Variants in AOAH observed in about 807,000 individuals in gnomAD.
The protein encoded by AOAH is acyloxyacyl hydrolase, also known as acyloxyacyl hydrolase (neutrophil).
AOAH carries 64 observed loss-of-function variants against 92.2 expected under a neutral mutation model. The observed-to-expected ratio is 0.69, with a 90% CI of 0.57 to 0.86. AOAH has a LOEUF of 0.86. Ranked by LOEUF, AOAH falls within the 40% of genes least tolerant of loss-of-function variation. The pLI is 0.00. For synonymous variants in AOAH, 263 were observed against 254.5 expected (o/e 1.03, Z -0.32); for missense variants, 656 against 694.6 (o/e 0.94, Z 0.62).
intron 12 of AOAH, 137 bp from the exon 13 acceptor site, chr7:36,576,793 T>C (rs1788535545): frequency 2.0e-6 from 1 of 501,254 alleles, no homozygotes; most frequent in Admixed American, 3.9e-5. Context: ...CTGACAAGTT[T>C]TCTCTGAACT....
At chr7:36,722,557 C>A (rs192721013) in intron 1 of AOAH, among the ~76,000 whole-genome samples, 1 of 152,258 alleles carries the variant, frequency 6.6e-6, no homozygotes, top group Non-Finnish European at 1.5e-5. Context: ...GGAGGATGAT[C>A]TCCCAGGCAT....
intron 1 of AOAH, among the ~76,000 whole-genome samples, chr7:36,692,848 T>A (rs943113262): frequency 6.6e-6 from 1 of 152,202 alleles, no homozygotes; most frequent in East Asian, 1.9e-4. Context: ...AGTATTGTGA[T>A]AGAGGAACCT....
intron 1 of AOAH, among the ~76,000 whole-genome samples, chr7:36,698,807 G>C (rs892710921): frequency 1.3e-5 from 2 of 151,858 alleles, no homozygotes; most frequent in African/African-American, 4.8e-5. Flanking sequence ...ATTTGTGCTA[G>C]AAACATTTGA....
intron 10 of AOAH, 76 bp from the exon 11 acceptor site, chr7:36,616,550 C>A: frequency 1.7e-6 from 2 of 1,182,948 alleles, no homozygotes; most frequent in Non-Finnish European, 2.5e-6. Flanking sequence ...GATATAAGAG[C>A]GGATACCCTA....
Position 36,524,336 on chromosome 7 carries a change from A to G in AOAH, c.1523-2221T>C, listed in dbSNP as rs374925193. ...ATTCCGTGAAGATGGAGCCCCCATCATGGAATTCATGCCCATGAATTCACA... is the reference window on the plus strand; with the variant it reads ...ATTCCGTGAAGATGGAGCCCCCATCGTGGAATTCATGCCCATGAATTCACA... On this transcript the variant is annotated intron_variant, in intron 19 of 20. Coordinates refer to ENST00000617537, the MANE Select transcript of AOAH (RefSeq NM_001637.4). Among the ~76,000 whole-genome samples, 28 of 152,110 alleles carry G rather than the reference A, an allele frequency of 1.8e-4. 1 individual carries two copies. In the South Asian group the frequency reaches 5.6e-3, roughly 30 times the overall value.
intron 5 of AOAH, among the ~76,000 whole-genome samples, chr7:36,634,731 T>G (rs2116275785): frequency 6.6e-6 from 1 of 152,336 alleles, no homozygotes; most frequent in Middle Eastern, 3.4e-3. Context: ...CTTTTAATAT[T>G]CAGTTTAGTC....
chr7:36,560,481 A>G (rs1787181471), intron 13 of AOAH, among the ~76,000 whole-genome samples: 1 of 151,662 alleles, frequency 6.6e-6, no homozygotes, highest in Admixed American at 6.6e-5. Flanking sequence ...TAGGTATTTT[A>G]TTTTCTTGGG....
chr7:36,532,470 T>A lies in AOAH; in HGVS notation c.1307-126A>T, dbSNP rs546796976. On this transcript the variant is annotated intron_variant, in intron 16 of 20. Transcript: ENST00000617537. ...TCCAGGGTGTTCCCCTGATTTTTCATGCAGCATTGCTCTTGAAGAATGCCT... is the reference window on the plus strand; with the variant it reads ...TCCAGGGTGTTCCCCTGATTTTTCAAGCAGCATTGCTCTTGAAGAATGCCT... 6.8e-5 allele frequency: 58 copies of A among 850,078 alleles called. No homozygotes were observed. In the African/African-American group the frequency reaches 9.1e-4, roughly 13 times the overall value. 52.7% of individuals were successfully genotyped at this position (850,078 alleles called of 1,614,324 possible).
intron 16 of AOAH, among the ~76,000 whole-genome samples, chr7:36,532,569 A>G (rs1482141222): frequency 1.3e-5 from 2 of 152,192 alleles, no homozygotes; most frequent in African/African-American, 4.8e-5. Flanking sequence ...ACTCACTGCC[A>G]TATAGAGCTG....
chr7:36,604,925 C>T (rs963569171), intron 11 of AOAH, among the ~76,000 whole-genome samples: 6 of 152,180 alleles, frequency 3.9e-5, no homozygotes, highest in African/African-American at 1.2e-4. Flanking sequence ...CTTTCTGCTC[C>T]GCTTTCCTTT....
intron 11 of AOAH, among the ~76,000 whole-genome samples, chr7:36,595,985 T>G (rs1416525099): frequency 6.6e-6 from 1 of 152,232 alleles, no homozygotes; most frequent in Non-Finnish European, 1.5e-5. Context: ...GGCCTCCTGC[T>G]TTTTTCCTCA....
chr7:36,665,831 G>A (rs1016209052), intron 3 of AOAH, among the ~76,000 whole-genome samples: 43 of 152,146 alleles, frequency 2.8e-4, no homozygotes, highest in African/African-American at 1.0e-3. Flanking sequence ...TTTTGAGCCT[G>A]TTGATACGAT....
chr7:36,643,505 C>T (rs1179771393), intron 4 of AOAH, among the ~76,000 whole-genome samples: 1 of 152,160 alleles, frequency 6.6e-6, no homozygotes, highest in Non-Finnish European at 1.5e-5. Context: ...GGTGGAAATT[C>T]ATGCAACCCA....
At chr7:36,566,804 G>A (rs1281037254) in intron 13 of AOAH, among the ~76,000 whole-genome samples, 2 of 152,106 alleles carry the variant, frequency 1.3e-5, no homozygotes, top group Non-Finnish European at 2.9e-5. Flanking sequence ...AAGCATGCGT[G>A]TAACTTCAGT....
At chr7:36,610,569 G>T (rs1191368249) in intron 11 of AOAH, among the ~76,000 whole-genome samples, 2 of 150,614 alleles carry the variant, frequency 1.3e-5, no homozygotes, top group East Asian at 3.9e-4. Flanking sequence ...AAAATGTTAA[G>T]GTGACTCTCT....
intron 13 of AOAH, among the ~76,000 whole-genome samples, chr7:36,571,729 C>T (rs1261070798): frequency 6.6e-6 from 1 of 152,238 alleles, no homozygotes; most frequent in Non-Finnish European, 1.5e-5. Context: ...CAGCTACCCT[C>T]CTGCCTGCTG....
chr7:36,574,070 A>G (rs929256321), intron 13 of AOAH, among the ~76,000 whole-genome samples: 31 of 152,230 alleles, frequency 2.0e-4, no homozygotes, highest in Non-Finnish European at 1.8e-4. Context: ...GCAAGGAAAT[A>G]CAAGAGAAAA....
At chr7:36,704,542 A>G (rs1798264651) in intron 1 of AOAH, among the ~76,000 whole-genome samples, 1 of 152,150 alleles carries the variant, frequency 6.6e-6, no homozygotes, top group Non-Finnish European at 1.5e-5. Flanking sequence ...ATGGATTCAT[A>G]GCAAATTCTA....
intron 12 of AOAH, among the ~76,000 whole-genome samples, chr7:36,580,129 T>C (rs1025778707): frequency 1.3e-5 from 2 of 152,194 alleles, no homozygotes; most frequent in Admixed American, 1.3e-4. Flanking sequence ...CCTTTCAACT[T>C]GGAAATTCAT....
Sources: allele counts gnomAD v4.1 joint callset (sites outside exome capture counted in the v4.1 genomes callset), GRCh38; gene constraint gnomAD v4.1.1; transcripts MANE v1.5; gene names NCBI Gene and HGNC (gene_info 2026-07-23, HGNC 2026-07-21).